Variants in SCYL3 observed in about 807,000 individuals in gnomAD.
SCYL3 encodes SCY1 like pseudokinase 3.
Under a neutral mutation model 73.8 loss-of-function variants are expected in SCYL3, and 35 were observed. The ratio of observed to expected loss-of-function variants is 0.47; its 90% CI spans 0.36 to 0.63. The LOEUF (loss-of-function observed/expected upper bound fraction) is 0.63. SCYL3 is among the 20% of genes least tolerant of loss of function. The pLI is 0.00. For missense variants in SCYL3, 712 were observed against 798.9 expected (o/e 0.89, Z 1.31); for synonymous variants, 277 against 295.2 (o/e 0.94, Z 0.63).
intron 3 of SCYL3, among the ~76,000 whole-genome samples, chr1:169,878,038 T>C (rs562651828): frequency 4.7e-4 from 71 of 152,154 alleles, no homozygotes; most frequent in Non-Finnish European, 8.4e-4. Flanking sequence ...AAAACAGTAA[T>C]ACTGTCAAGA....
Position 169,852,698 on chromosome 1 carries a change from T to G in SCYL3, c.*1015A>C. ...TACCCTTGTGATCCAATGACTAGAA[T>G]AAAATTTGCATGTAAGCTTTACTCC... On this transcript the variant is annotated 3_prime_UTR_variant, in exon 13 of 13. Transcript: ENST00000367771. 1.5e-6 allele frequency: 2 copies of G among 1,328,136 alleles called. No homozygotes were observed. Among genetic ancestry groups the G allele is most frequent in the South Asian group, 2.6e-5 (2 of 76,702 alleles). 82.3% of individuals were successfully genotyped at this position (1,328,136 alleles called of 1,614,324 possible). A position where few individuals can be genotyped will look rare whatever the true frequency, so the allele number is the denominator to read the frequency against.
chr1:169,892,223 C>T (rs1662135258), intron 1 of SCYL3, among the ~76,000 whole-genome samples: 3 of 152,164 alleles, frequency 2.0e-5, no homozygotes, highest in Non-Finnish European at 4.4e-5. Context: ...TCTAAAGAAG[C>T]ACAAATACTG....
At chr1:169,883,153 C>A (rs1661421635) in intron 2 of SCYL3, among the ~76,000 whole-genome samples, 2 of 152,152 alleles carry the variant, frequency 1.3e-5, no homozygotes, top group Admixed American at 1.3e-4. Context: ...AAACTCCAGA[C>A]ACGCCACCTT....
chr1:169,870,412 A>G, intron 5 of SCYL3, 55 bp from the exon 6 acceptor site: 7 of 1,244,982 alleles, frequency 5.6e-6, no homozygotes, highest in Non-Finnish European at 8.2e-6. Context: ...AGCCATTTCT[A>G]ATTTTCTCTG....
chr1:169,866,486 G>A (rs1232341995), intron 8 of SCYL3, among the ~76,000 whole-genome samples: 1 of 152,188 alleles, frequency 6.6e-6, no homozygotes, highest in African/African-American at 2.4e-5. Context: ...CATGCAAGGT[G>A]TACCTCCTAC....
intron 4 of SCYL3, 78 bp from the exon 5 acceptor site, chr1:169,873,830 G>C: frequency 1.0e-6 from 1 of 959,628 alleles, no homozygotes; most frequent in East Asian, 2.4e-5. Context: ...GGTTACATAA[G>C]CAATGAGCAA....
At chr1:169,888,554 CATAA>C (rs1034082515) in intron 2 of SCYL3, 118 bp downstream of exon 2, 3 of 738,558 alleles carry the variant, frequency 4.1e-6, no homozygotes, top group Non-Finnish European at 6.4e-6. Flanking sequence ...TTTGAAAGGA[CATAA>C]ATAAAATACT....
At position 169,870,327 on chromosome 1, in the gene SCYL3, G is replaced by T. The variant is rs377103666; in HGVS notation, c.553C>A (p.His185Asn). The part of the protein sequence containing the change: ...SPEFTTLPEC[H>N]GHARDAFSFG... ...GAAAAGGCATCCCGGGCATGTCCAT[G>T]ACACTCTGGGAGAGTTGTGAATTCT... The change falls in exon 6 of 13, where the codon CAT becomes AAT. Residue 185 changes from histidine to asparagine, a missense_variant. His to Asn is a moderately conservative substitution (Grantham distance 68, BLOSUM62 1). Coordinates refer to ENST00000367771, the MANE Select transcript of SCYL3 (RefSeq NM_020423.7). The T allele has an allele frequency of 1.9e-6, 3 of 1,613,196 alleles. No individual in the cohort carries two copies. The South Asian group carries it at 3.3e-5, about 18-fold the overall frequency.
chr1:169,885,640 A>C (rs538371923), intron 2 of SCYL3, among the ~76,000 whole-genome samples: 85 of 152,270 alleles, frequency 5.6e-4, no homozygotes, highest in African/African-American at 2.0e-3. Context: ...AGGTTAGATC[A>C]TAAACTAACA....
chr1:169,852,854 C>T lies in SCYL3; in HGVS notation c.*859G>A. On this transcript the variant is annotated 3_prime_UTR_variant, in exon 13 of 13. Transcript: ENST00000367771. ...GAAGAGTACAGGTCAGCGCTGCATA[C>T]AATAGCAGGGGCTTTGGAAGCAACT... 5 of 1,614,100 alleles carry T rather than the reference C, an allele frequency of 3.1e-6. No individual in the cohort carries two copies. The highest frequency in any genetic ancestry group is 3.4e-6 in the Non-Finnish European group (4 of 1,179,978).
chr1:169,883,805 G>A (rs1661479155), intron 2 of SCYL3, among the ~76,000 whole-genome samples: 2 of 142,144 alleles, frequency 1.4e-5, no homozygotes, highest in South Asian at 2.3e-4. Context: ...TGCAACCTCC[G>A]CCTCCCAGGT....
intron 2 of SCYL3, 65 bp from the exon 3 acceptor site, chr1:169,878,884 A>G (rs1571437375): frequency 9.4e-6 from 13 of 1,389,980 alleles, no homozygotes; most frequent in South Asian, 1.4e-5. Context: ...TTTCATATAC[A>G]TTATGGGGGA....
chr1:169,894,249 T>C (rs1662293252), upstream of SCYL3: 1 of 152,262 alleles, frequency 6.6e-6, no homozygotes, highest in Non-Finnish European at 1.5e-5. Context: ...TGGCCACTTG[T>C]AGCAAACAGT....
chr1:169,891,871 T>A (rs1473654017), intron 1 of SCYL3, among the ~76,000 whole-genome samples: 1 of 152,230 alleles, frequency 6.6e-6, no homozygotes, highest in Non-Finnish European at 1.5e-5. Flanking sequence ...TAACCTTAGA[T>A]TTCATATGAA....
At chr1:169,855,038 A>C (rs960612611) in intron 11 of SCYL3, 74 bp from the exon 12 acceptor site, 5 of 1,096,274 alleles carry the variant, frequency 4.6e-6, no homozygotes, top group Non-Finnish European at 6.5e-6. Context: ...GGATAGCATT[A>C]AGGAAGTGTA....
At position 169,888,809 on chromosome 1, in the gene SCYL3, T is replaced by C. The variant is rs760008082; in HGVS notation, c.32A>G (p.Tyr11Cys). The change falls in exon 2 of 13, where the codon TAT becomes TGT. Residue 11 changes from tyrosine to cysteine, a missense_variant. Tyr to Cys is a radical substitution (Grantham distance 194). Transcript: ENST00000367771. ...GGTAAATGGTGGTTCTCTCAGTGTA[T>C]AGCTCTTTAAAGCACTGTTCTCTGA... MGSENSALKS[Y>C]TLREPPFTLP... The C allele has an allele frequency of 3.1e-6, 5 of 1,613,774 alleles. No homozygotes were observed. The highest frequency in any genetic ancestry group is 1.3e-5 in the African/African-American group (1 of 74,922).
Position 169,850,431 on chromosome 1 carries a change from T to C in SCYL3, c.*3282A>G. 1 of 877,024 alleles carries C rather than the reference T, an allele frequency of 1.1e-6. No individual in the cohort carries two copies. The highest frequency in any genetic ancestry group is 1.8e-6 in the Non-Finnish European group (1 of 552,778). The allele number at this position is 877,024 out of a possible 1,614,324, so 54.3% of individuals were successfully genotyped here. On this transcript the variant is annotated 3_prime_UTR_variant, in exon 13 of 13. Coordinates refer to ENST00000367771, the MANE Select transcript of SCYL3 (RefSeq NM_020423.7). ...TGTAACTGTAACCAACCTGAGTGTC[T>C]TCTTAGCTTAAACTTTTCACAGTGC...
intron 7 of SCYL3, 62 bp downstream of exon 7, chr1:169,868,866 G>A (rs917339352): frequency 2.5e-5 from 31 of 1,217,618 alleles, no homozygotes; most frequent in Non-Finnish European, 3.5e-5. Context: ...ACTTATCCAA[G>A]GCACAAGAGC....
intron 2 of SCYL3, among the ~76,000 whole-genome samples, chr1:169,880,762 CTTTT>C (rs369829919): frequency 1.4e-5 from 2 of 138,516 alleles, no homozygotes; most frequent in African/African-American, 2.7e-5. Context: ...ATGAAGGCCA[CTTTT>C]TTTTTTTTTT....
Sources: gnomAD v4.1 joint callset for allele counts (sites outside exome capture counted in the v4.1 genomes callset) on GRCh38, gnomAD v4.1.1 for gene constraint, MANE v1.5 for transcripts, NCBI Gene and HGNC (gene_info 2026-07-23, HGNC 2026-07-21) for gene names.